Variants in RFX8 observed in about 807,000 individuals in gnomAD.
RFX8 encodes regulatory factor X8, also known as DNA-binding protein RFX8.
Under a neutral mutation model 54.6 loss-of-function variants are expected in RFX8, and 46 were observed. The ratio of observed to expected loss-of-function variants is 0.84; its 90% CI spans 0.67 to 1.08. The LOEUF is 1.08. Among genes scored for constraint, RFX8 ranks in the 50% least tolerant of loss-of-function variants. The probability of loss-of-function intolerance (pLI) is 0.00; values close to 1 mark genes in which losing one functional copy is unlikely to be tolerated. For synonymous variants in RFX8, 192 were observed against 209.5 expected, an observed-to-expected ratio of 0.92 and a Z score of 0.72; for missense variants, 536 against 562.3, an observed-to-expected ratio of 0.95 and a Z score of 0.47.
intron 2 of RFX8, among the ~76,000 whole-genome samples, chr2:101,431,093 T>G (rs1687455868): frequency 6.9e-6 from 1 of 145,318 alleles, no homozygotes; most frequent in Non-Finnish European, 1.5e-5. Flanking sequence ...TACACTGAGC[T>G]CCATCCATCC....
chr2:101,473,894 G>A (rs1261948420), intron 1 of RFX8, among the ~76,000 whole-genome samples: 1 of 152,238 alleles, frequency 6.6e-6, no homozygotes, highest in African/African-American at 2.4e-5. Flanking sequence ...GTACATGGAA[G>A]CAGGGTCCAA....
At chr2:101,439,385 T>C (rs1006424540) in intron 2 of RFX8, among the ~76,000 whole-genome samples, 6 of 152,190 alleles carry the variant, frequency 3.9e-5, no homozygotes, top group African/African-American at 1.4e-4. Context: ...AGTTTTGATT[T>C]TGATGTGGTC....
At chr2:101,444,150 G>A (rs1318055226) in intron 2 of RFX8, among the ~76,000 whole-genome samples, 1 of 152,184 alleles carries the variant, frequency 6.6e-6, no homozygotes, top group Non-Finnish European at 1.5e-5. Flanking sequence ...ACACCAAGGG[G>A]CATAAGGAGA....
chr2:101,405,591 AGAGTTAAGTAT>A (rs1175478958), intron 10 of RFX8, among the ~76,000 whole-genome samples: 1 of 152,144 alleles, frequency 6.6e-6, no homozygotes, highest in East Asian at 1.9e-4. Flanking sequence ...ATTATTCCTG[AGAGTTAAGTAT>A]GAGTGCTTCA....
intron 2 of RFX8, among the ~76,000 whole-genome samples, chr2:101,422,719 T>C (rs1185358821): frequency 6.6e-6 from 1 of 152,240 alleles, no homozygotes; most frequent in Non-Finnish European, 1.5e-5. Context: ...TTACCAAATG[T>C]ATCTCTCTTG....
chr2:101,405,877 A>C (rs1014540522), intron 10 of RFX8, 66 bp downstream of exon 10: 2 of 1,027,742 alleles, frequency 1.9e-6, no homozygotes, highest in Non-Finnish European at 2.8e-6. Context: ...AATACGCAAA[A>C]TACTTATGCC....
chr2:101,414,358 C>T (rs1271564938), intron 7 of RFX8, among the ~76,000 whole-genome samples: 5 of 152,140 alleles, frequency 3.3e-5, no homozygotes, highest in African/African-American at 4.8e-5. Context: ...ACTTCCACTT[C>T]CCAGGTTCAA....
At chr2:101,440,188 A>G (rs56881182) in intron 2 of RFX8, among the ~76,000 whole-genome samples, 7,141 of 152,126 alleles carry the variant, frequency 0.047, 285 homozygotes, top group African/African-American at 0.11. Flanking sequence ...TTTTTTTTAA[A>G]GCATATCCAC....
At chr2:101,420,239 C>T (rs569047109) in intron 4 of RFX8, among the ~76,000 whole-genome samples, 17 of 152,240 alleles carry the variant, frequency 1.1e-4, no homozygotes, top group Admixed American at 1.1e-3. Context: ...GGCTTCTCTT[C>T]TTTAGTAATA....
Position 101,424,382 on chromosome 2 carries a change from G to C in RFX8, c.73-1910C>G, listed in dbSNP as rs936198423. On this transcript the variant is annotated intron_variant, in intron 2 of 11. Transcript: ENST00000428343. ...GTCAGGAAACAACAGGTGCTGGAGA[G>C]GATGTGGAGAAATAGGAATGCTTTT... 4.6e-5 allele frequency among the ~76,000 whole-genome samples: 7 copies of C among 152,316 alleles called. 1 individual carries two copies. The highest frequency in any genetic ancestry group is 2.6e-4 in the Admixed American group (4 of 15,308).
chr2:101,423,414 G>T (rs1686983926), intron 2 of RFX8, among the ~76,000 whole-genome samples: 1 of 152,132 alleles, frequency 6.6e-6, no homozygotes, highest in Non-Finnish European at 1.5e-5. Context: ...CTCCTGGTCT[G>T]AATAAAGGGT....
chr2:101,469,132 A>G (rs1474803554), intron 1 of RFX8, among the ~76,000 whole-genome samples: 2 of 134,430 alleles, frequency 1.5e-5, no homozygotes, highest in East Asian at 4.1e-4. Flanking sequence ...AAGTATATAT[A>G]TATAAGTATA....
rs1324283447 is a variant in RFX8 at position 101,397,694 on chromosome 2, T to C, written c.1276A>G (p.Thr426Ala). 4 of 1,550,424 alleles carry C rather than the reference T, an allele frequency of 2.6e-6. No individual in the cohort carries two copies. In the African/African-American group the frequency reaches 5.5e-5, roughly 21 times the overall value. Reference sequence around the variant, plus strand: ...AGGCTGAGTTTAACTGCGCTTTCAGTGGTTTCATCTTCCAACAGCACCTGG... The same window carrying C: ...AGGCTGAGTTTAACTGCGCTTTCAGCGGTTTCATCTTCCAACAGCACCTGG... ...LIQVLLEDET[T>A]ESAVKLSLPM... Residue 426 changes from threonine to alanine, a missense_variant, in exon 12 of 12, where the codon ACT becomes GCT. By Grantham distance (58) the Thr-to-Ala change is moderately conservative. Transcript: ENST00000428343.
chr2:101,413,179 TGATGTG>T, intron 7 of RFX8, 108 bp from the exon 8 acceptor site: 1 of 824,466 alleles, frequency 1.2e-6, no homozygotes, highest in Non-Finnish European at 2.0e-6. Flanking sequence ...AAAGAAACAT[TGATGTG>T]GATATTACCC....
intron 1 of RFX8, among the ~76,000 whole-genome samples, chr2:101,472,242 C>T (rs1690043942): frequency 6.6e-6 from 1 of 152,150 alleles, no homozygotes; most frequent in East Asian, 1.9e-4. Flanking sequence ...CTGGGATTTA[C>T]AGGCGCCCGC....
At chr2:101,428,936 T>C in intron 2 of RFX8, 5 of 1,467,428 alleles carry the variant, frequency 3.4e-6, no homozygotes, top group Non-Finnish European at 4.6e-6. Context: ...TTATAGTAAA[T>C]CTGTTTGATT....
At chr2:101,472,437 G>C (rs1006893514) in intron 1 of RFX8, among the ~76,000 whole-genome samples, 3 of 152,090 alleles carry the variant, frequency 2.0e-5, no homozygotes, top group African/African-American at 7.2e-5. Context: ...TCATCAACTG[G>C]ATGATTTCTA....
intron 10 of RFX8, among the ~76,000 whole-genome samples, chr2:101,404,670 G>A (rs1252891062): frequency 6.6e-6 from 1 of 151,608 alleles, no homozygotes; most frequent in Non-Finnish European, 1.5e-5. Flanking sequence ...CAAGAGATCT[G>A]TGTCCCTCAG....
rs548481283 is a variant in RFX8, at chr2:101,471,061, C to T, written c.-53+3575G>A. 5.4e-5 allele frequency among the ~76,000 whole-genome samples: 8 copies of T among 149,066 alleles called. No individual in the cohort carries two copies. In the South Asian group the frequency reaches 9.3e-4, roughly 17 times the overall value. ...GAAAAATGTCATGAGCAACTGGGCG[C>T]GGTGGCTCATGCCTGTAATCCCAGC... On this transcript the variant is annotated intron_variant, in intron 1 of 11. Coordinates refer to ENST00000428343, the MANE Select transcript of RFX8 (RefSeq NM_001145664.2).
Sources: allele counts gnomAD v4.1 joint callset (sites outside exome capture counted in the v4.1 genomes callset), GRCh38; gene constraint gnomAD v4.1.1; transcripts MANE v1.5; gene names NCBI Gene and HGNC (gene_info 2026-07-23, HGNC 2026-07-21).